The following AFG1L variants were observed in gnomAD, a reference collection of about 807,000 sequenced individuals.
AFG1L encodes the protein AFG1 like ATPase.
Under a neutral mutation model 62.2 loss-of-function variants are expected in AFG1L, and 53 were observed. The ratio of observed to expected loss-of-function variants is 0.85; its 90% CI spans 0.68 to 1.07. The LOEUF (loss-of-function observed/expected upper bound fraction) is 1.07. Among genes scored for constraint, AFG1L ranks in the 50% least tolerant of loss-of-function variants. AFG1L has a pLI of 0.00. For synonymous variants in AFG1L, 228 were observed against 210.3 expected (o/e 1.08, Z -0.73); for missense variants, 555 against 590.5 (o/e 0.94, Z 0.62).
chr6:108,303,224 TA>T, intron 1 of AFG1L, among the ~76,000 whole-genome samples: 1 of 152,292 alleles, frequency 6.6e-6, no homozygotes, highest in African/African-American at 2.4e-5. Context: ...TTTATTTTTT[TA>T]AATTAGAGAC....
intron 2 of AFG1L, among the ~76,000 whole-genome samples, chr6:108,340,775 G>A (rs1011436766): frequency 2.0e-5 from 3 of 152,164 alleles, no homozygotes; most frequent in African/African-American, 2.4e-5. Context: ...GACAGGAAGA[G>A]GAATCGTTTT....
chr6:108,443,569 G>A (rs1014263648), intron 7 of AFG1L, among the ~76,000 whole-genome samples: 1 of 152,100 alleles, frequency 6.6e-6, no homozygotes, highest in Admixed American at 6.6e-5. Flanking sequence ...CGTTGGTTCC[G>A]AAGGTTTGAA....
At chr6:108,431,053 C>T (rs1582576020) in intron 7 of AFG1L, among the ~76,000 whole-genome samples, 1 of 152,120 alleles carries the variant, frequency 6.6e-6, no homozygotes, top group Admixed American at 6.5e-5. Flanking sequence ...TGCTAATAGA[C>T]CCAAGGTCTT....
chr6:108,356,550 T>C, intron 4 of AFG1L, 140 bp from the exon 5 acceptor site: 1 of 523,812 alleles, frequency 1.9e-6, no homozygotes, highest in Non-Finnish European at 3.2e-6. Flanking sequence ...ACAATTTCAA[T>C]GATCAAATTT....
rs1430047156 is a variant in AFG1L at position 108,339,296 on chromosome 6, A to T, written c.364-7692A>T. Among the ~76,000 whole-genome samples the T allele has an allele frequency of 3.0e-4, 45 of 151,616 alleles. 1 individual carries two copies. Among genetic ancestry groups the T allele is most frequent in the Non-Finnish European group, 1.5e-5 (1 of 67,948 alleles). On this transcript the variant is annotated intron_variant, in intron 2 of 12. Transcript: ENST00000368977. The stretch of plus-strand genomic sequence containing the variant: ...GCTGGGACTACAGGCACGTGCCACC[A>T]CATCGACTAATTTTTGTATTTTTAG...
At chr6:108,393,487 A>AT (rs952581910) in intron 6 of AFG1L, among the ~76,000 whole-genome samples, 3 of 152,084 alleles carry the variant, frequency 2.0e-5, no homozygotes, top group African/African-American at 4.8e-5. Flanking sequence ...GTAAAGGCTG[A>AT]TTTTTTAAAA....
At chr6:108,372,793 T>C (rs969923251) in intron 6 of AFG1L, 3 of 153,910 alleles carry the variant, frequency 1.9e-5, no homozygotes, top group African/African-American at 7.2e-5. Context: ...CCAGTTTCTT[T>C]AAGATAAAAA....
intron 5 of AFG1L, chr6:108,359,323 A>G (rs1347961160): frequency 6.6e-6 from 1 of 152,242 alleles, no homozygotes; most frequent in African/African-American, 2.4e-5. Flanking sequence ...CAGAACACTA[A>G]TGTTCCAAAT....
At chr6:108,383,845 A>C (rs1047091055) in intron 6 of AFG1L, among the ~76,000 whole-genome samples, 1 of 152,184 alleles carries the variant, frequency 6.6e-6, no homozygotes, top group African/African-American at 2.4e-5. Flanking sequence ...AATATTTCTT[A>C]GAGCAAAAGC....
In AFG1L at chr6:108,456,030, G is replaced by A. The variant is rs569518993; in HGVS notation, c.890+8734G>A. Among the ~76,000 whole-genome samples, 3 of 152,248 alleles carry A rather than the reference G, an allele frequency of 2.0e-5. No individual in the cohort carries two copies. In the East Asian group the frequency reaches 5.8e-4, roughly 29 times the overall value. On this transcript the variant is annotated intron_variant, in intron 8 of 12. Coordinates refer to ENST00000368977, the MANE Select transcript of AFG1L (RefSeq NM_145315.5). ...TTCTATTAAGTATTGAGAAAGAGGT[G>A]CTGAAATTTCCAAGTATAATTATGG...
chr6:108,330,438 T>G (rs1778231496), intron 2 of AFG1L, among the ~76,000 whole-genome samples: 1 of 152,118 alleles, frequency 6.6e-6, no homozygotes, highest in Non-Finnish European at 1.5e-5. Context: ...CCTCCCAAAG[T>G]GTTGAGATTA....
intron 11 of AFG1L, among the ~76,000 whole-genome samples, chr6:108,511,104 A>G (rs1774631344): frequency 6.8e-6 from 1 of 147,248 alleles, no homozygotes; most frequent in South Asian, 2.2e-4. Flanking sequence ...AAAAAAAAAA[A>G]GAAGAAGAAG....
chr6:108,431,572 T>G (rs1365961530), intron 7 of AFG1L, among the ~76,000 whole-genome samples: 6 of 150,940 alleles, frequency 4.0e-5, no homozygotes, highest in Admixed American at 4.0e-4. Context: ...GTTGCCACAG[T>G]CAGATGTTTC....
chr6:108,349,641 C>T (rs545965452), intron 3 of AFG1L, among the ~76,000 whole-genome samples: 1 of 152,242 alleles, frequency 6.6e-6, no homozygotes, highest in South Asian at 2.1e-4. Flanking sequence ...CAAGGCTGGG[C>T]ATGGTGGCTC....
At chr6:108,522,230 C>T in intron 12 of AFG1L, 67 bp from the exon 13 acceptor site, 1 of 1,515,464 alleles carries the variant, frequency 6.6e-7, no homozygotes, top group Non-Finnish European at 9.0e-7. Context: ...TTTTTTAAAC[C>T]TATACTTAGG....
At chr6:108,325,627 A>G (rs953091847) in intron 2 of AFG1L, among the ~76,000 whole-genome samples, 13 of 151,722 alleles carry the variant, frequency 8.6e-5, no homozygotes, top group Admixed American at 3.9e-4. Flanking sequence ...CTGGGATTAC[A>G]GGCACACACC....
intron 6 of AFG1L, among the ~76,000 whole-genome samples, chr6:108,384,190 G>A (rs1421966535): frequency 6.6e-6 from 1 of 152,016 alleles, no homozygotes; most frequent in Admixed American, 6.6e-5. Flanking sequence ...GTGCTGCATT[G>A]ATACCTGCTA....
At chr6:108,317,244 C>G (rs1388343767) in intron 1 of AFG1L, among the ~76,000 whole-genome samples, 2 of 152,180 alleles carry the variant, frequency 1.3e-5, no homozygotes, top group Non-Finnish European at 2.9e-5. Flanking sequence ...TTAACTGATG[C>G]AAGGCAGTCC....
intron 6 of AFG1L, among the ~76,000 whole-genome samples, chr6:108,385,659 C>T (rs767372358): frequency 1.6e-4 from 24 of 152,144 alleles, no homozygotes; most frequent in South Asian, 1.2e-3. Flanking sequence ...ATTTCTCTAG[C>T]GCCGCTGGGT....
Sources: gnomAD v4.1 joint callset for allele counts (sites outside exome capture counted in the v4.1 genomes callset) on GRCh38, gnomAD v4.1.1 for gene constraint, MANE v1.5 for transcripts, NCBI Gene and HGNC (gene_info 2026-07-23, HGNC 2026-07-21) for gene names.